Variants in TNFAIP6 observed in about 807,000 individuals in gnomAD.
TNFAIP6 encodes tumor necrosis factor-inducible gene 6 protein.
Under a neutral mutation model 33.7 loss-of-function variants are expected in TNFAIP6, and 36 were observed. The observed-to-expected ratio is 1.07, with a 90% CI of 0.82 to 1.41. The LOEUF is 1.41. Ranked by LOEUF, TNFAIP6 falls within the 40% of genes most tolerant of loss-of-function variation. The probability of loss-of-function intolerance (pLI) is 0.00; values close to 1 mark genes in which losing one functional copy is unlikely to be tolerated. For missense variants in TNFAIP6, 273 were observed against 331.9 expected (o/e 0.82, Z 1.38); for synonymous variants, 113 against 112.8 (o/e 1.00, Z -0.01).
At position 151,379,093 on chromosome 2, in the gene TNFAIP6, G is replaced by T. The variant is rs967729416; in HGVS notation, c.665-271G>T. 6.6e-5 allele frequency among the ~76,000 whole-genome samples: 10 copies of T among 152,144 alleles called. No homozygotes were observed. In the East Asian group the frequency reaches 1.6e-3, roughly 24 times the overall value. On this transcript the variant is annotated intron_variant, in intron 5 of 5. Coordinates refer to ENST00000243347, the MANE Select transcript of TNFAIP6 (RefSeq NM_007115.4). ...CCAGCCTGGGCAACAGAGTGAGTGA[G>T]ACTCCATCTCAAAAATAAATAAATA... is the stretch of plus-strand genomic sequence containing the variant.
intron 3 of TNFAIP6, among the ~76,000 whole-genome samples, chr2:151,367,866 A>AT (rs1684742189): frequency 6.6e-6 from 1 of 151,968 alleles, no homozygotes; most frequent in South Asian, 2.1e-4. Flanking sequence ...TAAAAAAAAA[A>AT]AATAATGGCT....
intron 1 of TNFAIP6, among the ~76,000 whole-genome samples, chr2:151,362,484 T>TC: frequency 1.1e-5 from 1 of 87,210 alleles, no homozygotes; most frequent in Non-Finnish European, 2.4e-5. Flanking sequence ...TAAATTCTTT[T>TC]TTTTTTTTTT....
At chr2:151,361,523 G>GTTAA (rs750263288) in intron 1 of TNFAIP6, among the ~76,000 whole-genome samples, 41 of 152,066 alleles carry the variant, frequency 2.7e-4, no homozygotes, top group Admixed American at 6.5e-4. Context: ...GTATTCTTAG[G>GTTAA]AAATATAATT....
intron 1 of TNFAIP6, among the ~76,000 whole-genome samples, chr2:151,359,582 G>C (rs1393591080): frequency 6.6e-6 from 1 of 152,112 alleles, no homozygotes; most frequent in Non-Finnish European, 1.5e-5. Flanking sequence ...TAGAGACAGA[G>C]TTTCACCATG....
At chr2:151,374,234 A>G (rs1684865255) in intron 5 of TNFAIP6, among the ~76,000 whole-genome samples, 1 of 151,822 alleles carries the variant, frequency 6.6e-6, no homozygotes. Context: ...AATATTGCCC[A>G]CCCCCCCATT....
chr2:151,376,334 C>T (rs1684905633), intron 5 of TNFAIP6, among the ~76,000 whole-genome samples: 1 of 151,416 alleles, frequency 6.6e-6, no homozygotes, highest in Non-Finnish European at 1.5e-5. Flanking sequence ...AGGAGGATCA[C>T]CTCAGTCCAG....
At chr2:151,379,015 G>A (rs113572081) in intron 5 of TNFAIP6, among the ~76,000 whole-genome samples, 2 of 151,858 alleles carry the variant, frequency 1.3e-5, no homozygotes, top group Non-Finnish European at 1.5e-5. Flanking sequence ...CAGGAGAATC[G>A]CTTGAGCCCG....
At chr2:151,375,285 G>A in intron 5 of TNFAIP6, among the ~76,000 whole-genome samples, 1 of 150,286 alleles carries the variant, frequency 6.7e-6, no homozygotes, top group African/African-American at 2.4e-5. Context: ...CATTCAAAGA[G>A]AAACAAATCA....
intron 1 of TNFAIP6, 149 bp from the exon 2 acceptor site, chr2:151,363,794 A>G (rs763242135): frequency 1.3e-4 from 104 of 784,728 alleles, no homozygotes; most frequent in Non-Finnish European, 1.9e-4. Flanking sequence ...GTTTCCTAAC[A>G]GTGAAAACTT....
Position 151,374,815 on chromosome 2 carries a change from A to G in TNFAIP6, c.664+1226A>G, listed in dbSNP as rs1352466316. 4.6e-5 allele frequency among the ~76,000 whole-genome samples: 7 copies of G among 152,176 alleles called. 1 individual carries two copies. The highest frequency in any genetic ancestry group is 1.2e-4 in the African/African-American group (5 of 41,442). ...GAGGTAGTTGGGGGATGAGAATCCT[A>G]TTAAACAAAGAAGTTAAAAAGAAGC... On this transcript the variant is annotated intron_variant, in intron 5 of 5. Coordinates refer to ENST00000243347, the MANE Select transcript of TNFAIP6 (RefSeq NM_007115.4).
At chr2:151,375,182 T>A (rs7572400) in intron 5 of TNFAIP6, among the ~76,000 whole-genome samples, 1 of 141,508 alleles carries the variant, frequency 7.1e-6, no homozygotes, top group Admixed American at 7.1e-5. Context: ...TTCTCTAAAG[T>A]AGACAACTTA....
chr2:151,358,766 C>T (rs1273245970), intron 1 of TNFAIP6, among the ~76,000 whole-genome samples: 1 of 152,186 alleles, frequency 6.6e-6, no homozygotes, highest in Non-Finnish European at 1.5e-5. Context: ...ATTTGTAATG[C>T]ACAGCCTTGC....
At chr2:151,377,103 T>C (rs1684925722) in intron 5 of TNFAIP6, among the ~76,000 whole-genome samples, 1 of 151,584 alleles carries the variant, frequency 6.6e-6, no homozygotes, top group Admixed American at 6.6e-5. Flanking sequence ...CCTCCCAAAG[T>C]GCTGGGATTT....
At chr2:151,373,715 C>A (rs1043053339) in intron 5 of TNFAIP6, 126 bp downstream of exon 5, 10 of 461,878 alleles carry the variant, frequency 2.2e-5, no homozygotes, top group South Asian at 7.1e-5. Context: ...AGAACCAACA[C>A]CAGATGCAGC....
intron 4 of TNFAIP6, chr2:151,371,970 A>G (rs1684823112): frequency 6.6e-6 from 1 of 152,224 alleles, no homozygotes; most frequent in South Asian, 2.1e-4. Flanking sequence ...TGAAGACACA[A>G]AGTAGAGTTG....
downstream of TNFAIP6, chr2:151,380,155 C>A (rs979304705): frequency 4.6e-5 from 7 of 151,974 alleles, no homozygotes; most frequent in Non-Finnish European, 8.8e-5. Flanking sequence ...AAAAATGAGG[C>A]CTCACTGTAG....
intron 5 of TNFAIP6, among the ~76,000 whole-genome samples, chr2:151,374,617 C>A (rs1684871247): frequency 6.6e-6 from 1 of 152,178 alleles, no homozygotes; most frequent in South Asian, 2.1e-4. Context: ...ATGGAACTTC[C>A]TGCTCTGTTA....
rs74587248 is a variant in TNFAIP6, at chr2:151,376,513, C to T, written c.665-2851C>T. ...TAAAAGTAAGGATGTGCCTACTCTC[C>T]TCACCTCTCCATCCCAGAAAGGCAT... On this transcript the variant is annotated intron_variant, in intron 5 of 5. Coordinates refer to ENST00000243347, the MANE Select transcript of TNFAIP6 (RefSeq NM_007115.4). 4.4e-3 allele frequency among the ~76,000 whole-genome samples: 663 copies of T among 152,138 alleles called. 5 individuals are homozygous for T. The highest frequency in any genetic ancestry group is 0.015 in the African/African-American group (616 of 41,552).
chr2:151,366,129 C>G lies in TNFAIP6; in HGVS notation c.306C>G (p.Asn102Lys), dbSNP rs1573780739. The G allele has an allele frequency of 6.2e-7, 1 of 1,614,102 alleles. No individual in the cohort carries two copies. The highest frequency in any genetic ancestry group is 8.5e-7 in the Non-Finnish European group (1 of 1,179,984). ...ACCCCATTGTGAAGCCAGGGCCCAA[C>G]TGTGGATTTGGAAAAACTGGCATTA... ...VGYPIVKPGP[N>K]CGFGKTGIID... Residue 102 changes from asparagine to lysine, a missense_variant, in exon 3 of 6, where the codon AAC (asparagine) becomes AAG (lysine). By Grantham distance (94) the Asn-to-Lys change is moderately conservative. Coordinates refer to ENST00000243347, the MANE Select transcript of TNFAIP6 (RefSeq NM_007115.4).
Sources: allele counts gnomAD v4.1 joint callset (sites outside exome capture counted in the v4.1 genomes callset), GRCh38; gene constraint gnomAD v4.1.1; transcripts MANE v1.5; gene names NCBI Gene and HGNC (gene_info 2026-07-23, HGNC 2026-07-21).